HSD3B2: variants seen among roughly 807,000 people sequenced by gnomAD.
HSD3B2 encodes the protein hydroxy-delta-5-steroid dehydrogenase, 3 beta- and steroid delta-isomerase 2, also known as 3 beta-hydroxysteroid dehydrogenase/Delta 5-->4-isomerase type 2.
Under a neutral mutation model 9.9 loss-of-function variants are expected in HSD3B2, and 8 were observed. The observed-to-expected ratio is 0.81, with a 90% CI of 0.47 to 1.46. The LOEUF (loss-of-function observed/expected upper bound fraction) is 1.46. Ranked by LOEUF, HSD3B2 falls within the 40% of genes most tolerant of loss-of-function variation. The probability of loss-of-function intolerance (pLI) is 0.00; values close to 1 mark genes in which losing one functional copy is unlikely to be tolerated. For synonymous variants in HSD3B2, 221 were observed against 184.5 expected (o/e 1.20, Z -1.60); for missense variants, 410 against 448.3 (o/e 0.91, Z 0.77).
rs942067784 is a variant in HSD3B2 at position 119,422,707 on chromosome 1, G to A, written c.*87G>A. 2.0e-6 allele frequency: 3 copies of A among 1,498,656 alleles called. No homozygotes were observed. The highest frequency in any genetic ancestry group is 2.8e-6 in the Non-Finnish European group (3 of 1,090,656). The allele number at this position is 1,498,656 out of a possible 1,614,324, so 92.8% of individuals were successfully genotyped here. A position where few individuals can be genotyped will look rare whatever the true frequency, so the allele number is the denominator to read the frequency against. On this transcript the variant is annotated 3_prime_UTR_variant, in exon 4 of 4. Coordinates refer to ENST00000369416, the MANE Select transcript of HSD3B2 (RefSeq NM_000198.4). ...CCTGGCTTCATACAGAAGGCAACAG[G>A]GGCACAAGCCCAGGTCCTGCTGCCT...
At chr1:119,415,620 G>C (rs1264592391) in intron 2 of HSD3B2, 59 bp downstream of exon 2, 4 of 1,577,554 alleles carry the variant, frequency 2.5e-6, no homozygotes, top group Non-Finnish European at 3.5e-6. Context: ...TGGGTGTGGG[G>C]AGGTTGACCT....
At position 119,422,198 on chromosome 1, in the gene HSD3B2, A is replaced by G. The variant is rs1651905396; in HGVS notation, c.697A>G (p.Ile233Val). 2 of 1,614,138 alleles carry G rather than the reference A, an allele frequency of 1.2e-6. No homozygotes were observed. Among genetic ancestry groups the G allele is most frequent in the African/African-American group, 1.3e-5 (1 of 75,044 alleles). ...TGTTGGCAACGTGGCCTGGGCCCAC[A>G]TTCTGGCCTTGAGGGCTCTGCGGGA... is the stretch of plus-strand genomic sequence containing the variant. ...VYVGNVAWAH[I>V]LALRALRDPK... The change falls in exon 4 of 4, where the codon ATT (isoleucine) becomes GTT (valine). Residue 233 changes from isoleucine (I) to valine (V), a missense_variant. Ile to Val is a conservative substitution (Grantham distance 29). Transcript: ENST00000369416.
In HSD3B2 at chr1:119,422,271, A is replaced by C. The variant is rs587734522; in HGVS notation, c.770A>C (p.Asp257Ala). The C allele has an allele frequency of 6.2e-7, 1 of 1,614,116 alleles. No homozygotes were observed. Among genetic ancestry groups the C allele is most frequent in the South Asian group, 1.1e-5 (1 of 91,072 alleles). The change falls in exon 4 of 4, where the codon GAT becomes GCT. Residue 257 changes from aspartate to alanine, a missense_variant. By Grantham distance (126) the Asp-to-Ala change is moderately radical (BLOSUM62 -2). Coordinates refer to ENST00000369416, the MANE Select transcript of HSD3B2 (RefSeq NM_000198.4). The part of the protein sequence containing the change: ...SVRGQFYYIS[D>A]DTPHQSYDNL... ...CGAGGTCAATTCTATTACATCTCAGATGACACGCCTCACCAAAGCTATGAT... is the reference window on the plus strand; with the variant it reads ...CGAGGTCAATTCTATTACATCTCAGCTGACACGCCTCACCAAAGCTATGAT...
chr1:119,415,449 A>C lies in HSD3B2; in HGVS notation c.30A>C (p.Ala10=). The change falls in exon 2 of 4, where the codon GCA becomes GCC. Residue 10 remains alanine (A), a synonymous_variant. Coordinates refer to ENST00000369416, the MANE Select transcript of HSD3B2 (RefSeq NM_000198.4). ...GCTGGAGCTGCCTTGTGACAGGAGC[A>C]GGAGGGCTTCTGGGTCAGAGGATCG... MGWSCLVTG[A]GGLLGQRIVR... The C allele has an allele frequency of 6.2e-7, 1 of 1,614,010 alleles. No individual in the cohort carries two copies. Among genetic ancestry groups the C allele is most frequent in the Non-Finnish European group, 8.5e-7 (1 of 1,179,910 alleles).
rs899412050 is a variant in HSD3B2, at chr1:119,419,338, C to G, written c.143-80C>G. The G allele has an allele frequency of 4.5e-6, 6 of 1,342,760 alleles. No individual in the cohort carries two copies. In the African/African-American group the frequency reaches 8.6e-5, roughly 19 times the overall value. The allele number at this position is 1,342,760 out of a possible 1,614,324, so 83.2% of individuals were successfully genotyped here. A position where few individuals can be genotyped will look rare whatever the true frequency, so the allele number is the denominator to read the frequency against. ...CCCACACTCTAATCTCTTTGAGCACCTATGTAACATCGCCTTTATCAGAAA... is the reference window on the plus strand; with the variant it reads ...CCCACACTCTAATCTCTTTGAGCACGTATGTAACATCGCCTTTATCAGAAA... On this transcript the variant is annotated intron_variant, in intron 2 of 3. Coordinates refer to ENST00000369416, the MANE Select transcript of HSD3B2 (RefSeq NM_000198.4).
intron 1 of HSD3B2, 37 bp from the exon 2 acceptor site, chr1:119,415,294 C>G: frequency 1.0e-6 from 1 of 969,784 alleles, no homozygotes; most frequent in East Asian, 2.5e-5. Context: ...AATAAGGCAT[C>G]TGCTGAGTGT....
At chr1:119,421,526 T>TACACAC (rs750057057) in intron 3 of HSD3B2, among the ~76,000 whole-genome samples, 4 of 138,540 alleles carry the variant, frequency 2.9e-5, no homozygotes, top group Non-Finnish European at 4.7e-5. Context: ...CACGTATACA[T>TACACAC]ACACACACAC....
Position 119,421,865 on chromosome 1 carries a change from A to G in HSD3B2, c.364A>G (p.Thr122Ala). 6.2e-7 allele frequency: 1 copy of G among 1,613,850 alleles called. No individual in the cohort carries two copies. Among genetic ancestry groups the G allele is most frequent in the Non-Finnish European group, 8.5e-7 (1 of 1,179,932 alleles). ...VQASVPVFIY[T>A]SSIEVAGPNS... ...AGCCAGTGTGCCAGTCTTCATCTAC[A>G]CCAGTAGCATAGAGGTAGCCGGGCC... Residue 122 changes from threonine to alanine, a missense_variant, in exon 4 of 4, where the codon ACC becomes GCC. Thr to Ala is a moderately conservative substitution (Grantham distance 58). Transcript: ENST00000369416.
intron 2 of HSD3B2, among the ~76,000 whole-genome samples, chr1:119,417,080 C>A (rs771301059): frequency 6.6e-6 from 1 of 152,162 alleles, no homozygotes; most frequent in Non-Finnish European, 1.5e-5. Flanking sequence ...ATACTATTAT[C>A]CTCCTTTTTT....
rs1267781826 is a variant in HSD3B2, at chr1:119,421,793, T to C, written c.308-16T>C. On this transcript the variant is annotated splice_polypyrimidine_tract_variant and intron_variant, in intron 3 of 3. Transcript: ENST00000369416. ...GGGATATTTCCTGACACTGTCATCA[T>C]GCTCTTCGTGGGCAGGTACCCAGCT... 1 of 1,613,436 alleles carries C rather than the reference T, an allele frequency of 6.2e-7. No homozygotes were observed. The highest frequency in any genetic ancestry group is 1.7e-5 in the Admixed American group (1 of 59,964).
chr1:119,416,423 G>GGTCAT (rs1651712423), intron 2 of HSD3B2, among the ~76,000 whole-genome samples: 1 of 152,160 alleles, frequency 6.6e-6, no homozygotes, highest in African/African-American at 2.4e-5. Context: ...GTAGAAAAGG[G>GGTCAT]GTCACCTCCA....
intron 3 of HSD3B2, among the ~76,000 whole-genome samples, chr1:119,421,418 TATATATATG>T (rs1557869408): frequency 2.0e-4 from 8 of 40,598 alleles, no homozygotes; most frequent in African/African-American, 3.8e-4. Context: ...TATATATATG[TATATATATG>T]TATATATATA....
chr1:119,416,875 C>T (rs1651725808), intron 2 of HSD3B2, among the ~76,000 whole-genome samples: 1 of 152,054 alleles, frequency 6.6e-6, no homozygotes, highest in Admixed American at 6.6e-5. Flanking sequence ...CATCTGATAC[C>T]AGGAAAAAGC....
Position 119,422,247 on chromosome 1 carries a change from G to T in HSD3B2, c.746G>T (p.Arg249Leu), listed in dbSNP as rs751984843. ...LRDPKKAPSV[R>L]GQFYYISDDT... ...GACCCCAAGAAGGCCCCAAGTGTCC[G>T]AGGTCAATTCTATTACATCTCAGAT... Residue 249 changes from arginine (R) to leucine (L), a missense_variant, in exon 4 of 4, where the codon CGA becomes CTA. Coordinates refer to ENST00000369416, the MANE Select transcript of HSD3B2 (RefSeq NM_000198.4). 1.2e-6 allele frequency: 2 copies of T among 1,614,084 alleles called. No individual in the cohort carries two copies. The highest frequency in any genetic ancestry group is 3.3e-5 in the Admixed American group (2 of 60,010).
chr1:119,417,122 T>C (rs1651732338), intron 2 of HSD3B2, among the ~76,000 whole-genome samples: 1 of 152,198 alleles, frequency 6.6e-6, no homozygotes, highest in Non-Finnish European at 1.5e-5. Flanking sequence ...GAGAGGTTAA[T>C]CAACTTGTCG....
At chr1:119,415,968 G>C (rs910299816) in intron 2 of HSD3B2, among the ~76,000 whole-genome samples, 18 of 152,168 alleles carry the variant, frequency 1.2e-4, no homozygotes, top group African/African-American at 4.3e-4. Flanking sequence ...ACTGCCCCAG[G>C]CTTCATTTCA....
upstream of HSD3B2, chr1:119,414,935 C>T (rs188666803): frequency 9.9e-5 from 19 of 191,204 alleles, no homozygotes; most frequent in Non-Finnish European, 1.8e-4. Flanking sequence ...TCTGTTAAGG[C>T]TAAAGCCAAG....
rs367646123 is a variant in HSD3B2 at position 119,421,813 on chromosome 1, C to T, written c.312C>T (p.Thr104=). Residue 104 remains threonine (T), a synonymous_variant, in exon 4 of 4, where the codon ACC becomes ACT. Transcript: ENST00000369416. Reference sequence around the variant, plus strand: ...CATCATGCTCTTCGTGGGCAGGTACCCAGCTACTGTTGGAGGCCTGTGTCC... The same window carrying T: ...CATCATGCTCTTCGTGGGCAGGTACTCAGCTACTGTTGGAGGCCTGTGTCC... The part of the protein sequence containing the change: ...ESIMNVNVKG[T]QLLLEACVQA... The T allele has an allele frequency of 1.2e-6, 2 of 1,613,578 alleles. No individual in the cohort carries two copies. The highest frequency in any genetic ancestry group is 2.2e-5 in the South Asian group (2 of 91,054).
Position 119,422,681 on chromosome 1 carries a change from A to G in HSD3B2, c.*61A>G. The G allele has an allele frequency of 1.9e-6, 3 of 1,592,754 alleles. No individual in the cohort carries two copies. The highest frequency in any genetic ancestry group is 2.6e-6 in the Non-Finnish European group (3 of 1,168,192). On this transcript the variant is annotated 3_prime_UTR_variant, in exon 4 of 4. Transcript: ENST00000369416. ...TAGGAAATGTCATCAAACTCCACCC[A>G]CCTGGCTTCATACAGAAGGCAACAG...
Sources: allele counts gnomAD v4.1 joint callset (sites outside exome capture counted in the v4.1 genomes callset), GRCh38; gene constraint gnomAD v4.1.1; transcripts MANE v1.5; gene names NCBI Gene and HGNC (gene_info 2026-07-23, HGNC 2026-07-21).